MGST1: variants seen among roughly 807,000 people sequenced by gnomAD.
The protein encoded by MGST1 is glutathione S-transferase 12.
In MGST1, 5 loss-of-function variants were observed where a neutral mutation model predicts 8.9. The ratio of observed to expected loss-of-function variants is 0.56; its 90% CI spans 0.29 to 1.19. MGST1 has a LOEUF of 1.19. MGST1 is among the 50% of genes most tolerant of loss of function. The probability of loss-of-function intolerance (pLI) is 0.08; values close to 1 mark genes in which losing one functional copy is unlikely to be tolerated. For synonymous variants in MGST1, 54 were observed against 67.8 expected, an observed-to-expected ratio of 0.80 and a Z score of 1.00; for missense variants, 182 against 187.4, an observed-to-expected ratio of 0.97 and a Z score of 0.17.
At chr12:16,531,006 T>C (rs1941719223) in intron 4 of MGST1, among the ~76,000 whole-genome samples, 1 of 151,938 alleles carries the variant, frequency 6.6e-6, no homozygotes, top group South Asian at 2.1e-4. Flanking sequence ...ACATTCAATA[T>C]AACTCATATG....
chr12:16,557,908 A>C (rs1332158464), intron 4 of MGST1, among the ~76,000 whole-genome samples: 1 of 152,026 alleles, frequency 6.6e-6, no homozygotes, highest in East Asian at 1.9e-4. Context: ...CATTCTTTCT[A>C]CTATTCTACA....
intron 1 of MGST1, among the ~76,000 whole-genome samples, chr12:16,352,442 A>G (rs7307751): frequency 6.6e-6 from 1 of 152,206 alleles, no homozygotes; most frequent in African/African-American, 2.4e-5. Flanking sequence ...ACAGTACTAC[A>G]TGCCAAGCAG....
intron 4 of MGST1, among the ~76,000 whole-genome samples, chr12:16,581,670 T>C (rs1028281589): frequency 7.9e-5 from 12 of 152,298 alleles, no homozygotes; most frequent in African/African-American, 1.7e-4. Context: ...ATCAGTCTCA[T>C]TGAGATTTTT....
chr12:16,380,177 C>T (rs1940435825), downstream of MGST1, among the ~76,000 whole-genome samples: 1 of 152,132 alleles, frequency 6.6e-6, no homozygotes, highest in African/African-American at 2.4e-5. Context: ...TTCTTGCCTT[C>T]TGCTAGCTTT....
intron 4 of MGST1, among the ~76,000 whole-genome samples, chr12:16,457,728 A>G (rs141762074): frequency 1.3e-5 from 2 of 152,114 alleles, no homozygotes; most frequent in East Asian, 1.9e-4. Context: ...TTATCAAGGA[A>G]GTAATCTGCA....
intron 4 of MGST1, among the ~76,000 whole-genome samples, chr12:16,472,987 G>A (rs543972696): frequency 6.6e-6 from 1 of 152,298 alleles, no homozygotes; most frequent in African/African-American, 2.4e-5. Flanking sequence ...AACTTTCTCA[G>A]AATAAACACT....
intron 4 of MGST1, among the ~76,000 whole-genome samples, chr12:16,468,096 C>T (rs1323351099): frequency 6.6e-6 from 1 of 152,188 alleles, no homozygotes; most frequent in Non-Finnish European, 1.5e-5. Flanking sequence ...AAGGGTGCAG[C>T]ATCCTCTACA....
Position 16,517,864 on chromosome 12 carries a change from T to TC in MGST1, n.483-71661dup, listed in dbSNP as rs992925532. 1.3e-5 allele frequency among the ~76,000 whole-genome samples: 2 copies of TC among 152,172 alleles called. No individual in the cohort carries two copies. The highest frequency in any genetic ancestry group is 4.8e-5 in the African/African-American group (2 of 41,436). ...CATTCTAGTTATGTTAATACATAGG[T>TC]CCCTAAGTTCTTGATTAATGTACAT... On this transcript the variant is annotated intron_variant and non_coding_transcript_variant, in intron 4 of 4. Coordinates refer to the MGST1 transcript ENST00000538857. The surrounding 1 kb of genome is among the most constrained non-coding windows in gnomAD (Gnocchi z 4.2).
chr12:16,568,076 A>G (rs1472022098), intron 4 of MGST1, among the ~76,000 whole-genome samples: 2 of 152,204 alleles, frequency 1.3e-5, no homozygotes, highest in African/African-American at 4.8e-5. Context: ...CAACAATAGA[A>G]AATAAAAAGG....
At chr12:16,469,892 CA>C (rs1941281255) in intron 4 of MGST1, among the ~76,000 whole-genome samples, 1 of 152,172 alleles carries the variant, frequency 6.6e-6, no homozygotes, top group African/African-American at 2.4e-5. Context: ...TGCCTTAACA[CA>C]CGCACAAAAA....
chr12:16,568,763 A>T (rs1328883116), intron 4 of MGST1, among the ~76,000 whole-genome samples: 5 of 152,198 alleles, frequency 3.3e-5, no homozygotes, highest in African/African-American at 1.2e-4. Context: ...TATGTGGATT[A>T]CATTCTATTT....
chr12:16,533,554 C>A (rs550556495), intron 4 of MGST1, among the ~76,000 whole-genome samples: 2 of 152,216 alleles, frequency 1.3e-5, no homozygotes, highest in Non-Finnish European at 2.9e-5. Context: ...CTGAATAGTT[C>A]AGTCATAAAT....
At chr12:16,569,777 A>C (rs918593203) in intron 4 of MGST1, among the ~76,000 whole-genome samples, 7 of 152,192 alleles carry the variant, frequency 4.6e-5, no homozygotes, top group Admixed American at 1.3e-4. Flanking sequence ...ACTTTTAGAC[A>C]TAGTTATGGA....
chr12:16,485,291 C>T (rs929837003), intron 4 of MGST1, among the ~76,000 whole-genome samples: 10 of 152,194 alleles, frequency 6.6e-5, no homozygotes, highest in Admixed American at 2.0e-4. Flanking sequence ...CTTGTAGGCT[C>T]GATTTAGAAG....
At chr12:16,530,644 G>T (rs191333140) in intron 4 of MGST1, among the ~76,000 whole-genome samples, 1 of 152,208 alleles carries the variant, frequency 6.6e-6, no homozygotes, top group African/African-American at 2.4e-5. Context: ...TTGATAAGTT[G>T]TTCCAGATGG....
chr12:16,428,649 C>A (rs1447739342), intron 1 of MGST1, among the ~76,000 whole-genome samples: 1 of 151,816 alleles, frequency 6.6e-6, no homozygotes, highest in African/African-American at 2.4e-5. Context: ...CTTTATATGT[C>A]CCACCAAGTG....
Position 16,456,123 on chromosome 12 carries a change from G to A in MGST1, n.482+72519G>A, listed in dbSNP as rs7306592. Among the ~76,000 whole-genome samples, 265 of 151,684 alleles carry A rather than the reference G, an allele frequency of 1.7e-3. 2 individuals are homozygous for A. Among genetic ancestry groups the A allele is most frequent in the African/African-American group, 6.2e-3 (259 of 41,470 alleles). ...CTGTTATATGCCTGATATCGTGCCC[G>A]GCTCCAGGATGTCTCTATAATTTTA... On this transcript the variant is annotated intron_variant and non_coding_transcript_variant, in intron 4 of 4. Transcript: ENST00000538857.
intron 4 of MGST1, among the ~76,000 whole-genome samples, chr12:16,459,578 T>G (rs1216597765): frequency 1.3e-5 from 2 of 152,098 alleles, no homozygotes; most frequent in East Asian, 3.9e-4. Context: ...AAATTTTATT[T>G]TTGGATCTTC....
At position 16,584,440 on chromosome 12, in the gene MGST1, C is replaced by G. The variant is rs1346146012; in HGVS notation, n.483-5088C>G. 6.6e-6 allele frequency among the ~76,000 whole-genome samples: 1 copy of G among 152,138 alleles called. No individual in the cohort carries two copies. Among genetic ancestry groups the G allele is most frequent in the Non-Finnish European group, 1.5e-5 (1 of 68,032 alleles). On this transcript the variant is annotated intron_variant and non_coding_transcript_variant, in intron 4 of 4. Coordinates refer to the MGST1 transcript ENST00000538857. The surrounding 1 kb of genome is among the most constrained non-coding windows in gnomAD (Gnocchi z 5.2). ...GCATCTGGCCAAAAGATTGTGGACACAGCAAAAGTTATTGACAAGGACATG... is the reference window on the plus strand; with the variant it reads ...GCATCTGGCCAAAAGATTGTGGACAGAGCAAAAGTTATTGACAAGGACATG...
Sources: gnomAD v4.1 joint callset for allele counts (sites outside exome capture counted in the v4.1 genomes callset) on GRCh38, gnomAD v4.1.1 for gene constraint, Gnocchi (gnomAD v3.1) non-coding constraint, MANE v1.5 for transcripts, NCBI Gene and HGNC (gene_info 2026-07-23, HGNC 2026-07-21) for gene names.